Variants in ERC1 observed in about 807,000 individuals in gnomAD.
ERC1 encodes RAB6 interacting protein 2.
In ERC1, 56 loss-of-function variants were observed where a neutral mutation model predicts 132.0. That is an observed-to-expected ratio of 0.42 (90% confidence interval 0.34 to 0.53). The LOEUF (loss-of-function observed/expected upper bound fraction) is 0.53, where lower values mean the gene tolerates loss of function less well. Among genes scored for constraint, ERC1 ranks in the 20% least tolerant of loss-of-function variants. The probability of loss-of-function intolerance (pLI) is 0.03; values close to 1 mark genes in which losing one functional copy is unlikely to be tolerated. For synonymous variants in ERC1, 478 were observed against 476.1 expected, an observed-to-expected ratio of 1.00 and a Z score of -0.05; for missense variants, 1,202 against 1,349.9, an observed-to-expected ratio of 0.89 and a Z score of 1.72.
At position 1,110,296 on chromosome 12, in the gene ERC1, A is replaced by T. The variant is rs1416073205; in HGVS notation, c.1266A>T (p.Glu422Asp). The change falls in exon 5 of 19, where the codon GAA becomes GAT. Residue 422 changes from glutamate to aspartate, a missense_variant. By Grantham distance (45) the Glu-to-Asp change is conservative. Coordinates refer to ENST00000360905, the MANE Select transcript of ERC1 (RefSeq NM_178040.4). ...GALSTEEREE[E>D]MKQMEVYRSH... Reference sequence around the variant, plus strand: ...TGAGTACTGAGGAAAGGGAAGAAGAAATGAAGCAAATGGAAGTGTATCGGA... The same window carrying T: ...TGAGTACTGAGGAAAGGGAAGAAGATATGAAGCAAATGGAAGTGTATCGGA... 8 of 1,613,492 alleles carry T rather than the reference A, an allele frequency of 5.0e-6. No individual in the cohort carries two copies. In the African/African-American group the frequency reaches 9.3e-5, roughly 19 times the overall value.
At chr12:1,235,472 A>C (rs1290712690) in intron 12 of ERC1, among the ~76,000 whole-genome samples, 1 of 152,256 alleles carries the variant, frequency 6.6e-6, no homozygotes, top group East Asian at 1.9e-4. Flanking sequence ...ATAATGTATA[A>C]AGAATACCTA....
chr12:1,243,843 A>C (rs935440059), intron 13 of ERC1, among the ~76,000 whole-genome samples: 2 of 152,204 alleles, frequency 1.3e-5, no homozygotes, highest in Admixed American at 6.5e-5. Context: ...AACACTTTGA[A>C]TGCCAGTTCT....
At chr12:1,116,568 A>ATT (rs201063580) in intron 7 of ERC1, among the ~76,000 whole-genome samples, 220 of 143,874 alleles carry the variant, frequency 1.5e-3, no homozygotes, top group African/African-American at 4.2e-3. Context: ...TGTTTTTAGA[A>ATT]TTTTTTTTTT....
At chr12:1,207,126 A>G (rs1403413290) in intron 12 of ERC1, among the ~76,000 whole-genome samples, 1 of 152,140 alleles carries the variant, frequency 6.6e-6, no homozygotes, top group African/African-American at 2.4e-5. Context: ...TTTCACATTA[A>G]TTTCTAAAAT....
intron 15 of ERC1, among the ~76,000 whole-genome samples, chr12:1,370,872 C>T (rs1023977390): frequency 1.3e-5 from 2 of 152,140 alleles, no homozygotes; most frequent in Non-Finnish European, 2.9e-5. Context: ...GGACCAGAAG[C>T]GTGTGCCACC....
At chr12:1,215,771 C>G (rs897188126) in intron 12 of ERC1, among the ~76,000 whole-genome samples, 23 of 151,200 alleles carry the variant, frequency 1.5e-4, no homozygotes, top group Admixed American at 1.5e-3. Flanking sequence ...TCTGAAAAGG[C>G]AAAAAAACAA....
rs111700867 is a variant in ERC1, at chr12:1,029,165, G to T, written c.669+593G>T. ...GTCAGGAGTTCGAGACCAGCCTGGC[G>T]ACGTGGTGAAACCCTGACTCTACTA... On this transcript the variant is annotated intron_variant, in intron 2 of 18. Transcript: ENST00000360905. Among the ~76,000 whole-genome samples, 52 of 152,064 alleles carry T rather than the reference G, an allele frequency of 3.4e-4. 1 individual carries two copies. The highest frequency in any genetic ancestry group is 2.5e-3 in the South Asian group (12 of 4,810).
In ERC1 at chr12:1,092,001, C is replaced by CTTTTTTT. The variant is rs34377863; in HGVS notation, c.1086+8430_1086+8436dup. 1.7e-4 allele frequency among the ~76,000 whole-genome samples: 24 copies of CTTTTTTT among 138,056 alleles called. 1 individual carries two copies. The highest frequency in any genetic ancestry group is 3.0e-4 in the Non-Finnish European group (19 of 63,408). The allele number at this position is 138,056 out of a possible 152,430, so 90.6% of individuals were successfully genotyped here. On this transcript the variant is annotated intron_variant, in intron 3 of 18. Coordinates refer to ENST00000360905, the MANE Select transcript of ERC1 (RefSeq NM_178040.4). Reference sequence around the variant, plus strand: ...AAAAAAAAGTGGCATTTAATCAATTCTTTTTTTTTTTTTTTGAGACGGAGT... The same window carrying CTTTTTTT: ...AAAAAAAAGTGGCATTTAATCAATTCTTTTTTTTTTTTTTTTTTTTTTGAGACGGAGT...
At chr12:1,138,282 T>C (rs1308244824) in intron 7 of ERC1, among the ~76,000 whole-genome samples, 1 of 136,848 alleles carries the variant, frequency 7.3e-6, no homozygotes, top group Non-Finnish European at 1.5e-5. Flanking sequence ...TTACAATATA[T>C]GATATATATT....
At chr12:1,261,499 T>C (rs1003025730) in intron 13 of ERC1, among the ~76,000 whole-genome samples, 2 of 152,280 alleles carry the variant, frequency 1.3e-5, no homozygotes, top group East Asian at 3.9e-4. Flanking sequence ...AATCCTTCTT[T>C]TATGTTTAGT....
intron 13 of ERC1, among the ~76,000 whole-genome samples, chr12:1,245,415 T>G (rs1015194672): frequency 6.6e-6 from 1 of 152,236 alleles, no homozygotes; most frequent in African/African-American, 2.4e-5. Flanking sequence ...TTTGTGAGAT[T>G]CATTTGTATT....
At chr12:1,322,003 G>A (rs957349953) in intron 15 of ERC1, among the ~76,000 whole-genome samples, 14 of 150,890 alleles carry the variant, frequency 9.3e-5, no homozygotes, top group Admixed American at 1.3e-4. Context: ...TACCACGTTC[G>A]GCAGTGGTAA....
At chr12:1,381,470 A>G (rs981160007) in intron 16 of ERC1, among the ~76,000 whole-genome samples, 1 of 152,170 alleles carries the variant, frequency 6.6e-6, no homozygotes, top group African/African-American at 2.4e-5. Context: ...AAGTGCTGAG[A>G]TTACACACGT....
In ERC1 at chr12:1,135,530, C is replaced by A. The variant is rs552032425; in HGVS notation, c.1570-6090C>A. Among the ~76,000 whole-genome samples the A allele has an allele frequency of 2.6e-5, 4 of 152,210 alleles. No homozygotes were observed. In the East Asian group the frequency reaches 7.7e-4, roughly 29 times the overall value. ...TGTCTACCTGGTACTCAGAATGTGA[C>A]CATATTTGGAAATAGGGTCTTTGAA... On this transcript the variant is annotated intron_variant, in intron 7 of 18. Transcript: ENST00000360905.
chr12:1,439,552 G>A (rs2093044067), intron 17 of ERC1, among the ~76,000 whole-genome samples: 1 of 152,132 alleles, frequency 6.6e-6, no homozygotes, highest in Non-Finnish European at 1.5e-5. Flanking sequence ...TGTAAATGTA[G>A]CATTGGGGCC....
At chr12:1,093,862 AACAT>A (rs1398953030) in intron 3 of ERC1, among the ~76,000 whole-genome samples, 3 of 145,602 alleles carry the variant, frequency 2.1e-5, no homozygotes, top group African/African-American at 7.5e-5. Context: ...GAAAAAAAGA[AACAT>A]ATATATATGT....
In ERC1 at chr12:1,028,459, A is replaced by G; in HGVS notation, c.556A>G (p.Ile186Val). Residue 186 changes from isoleucine (I) to valine (V), a missense_variant, in exon 2 of 19, where the codon ATC becomes GTC. Coordinates refer to ENST00000360905, the MANE Select transcript of ERC1 (RefSeq NM_178040.4). ...CAAATTGAGTTCTTCAATGAATAGCATCAAGACCTTCTGGAGCCCAGAGCT... is the reference window on the plus strand; with the variant it reads ...CAAATTGAGTTCTTCAATGAATAGCGTCAAGACCTTCTGGAGCCCAGAGCT... ...ESKLSSSMNS[I>V]KTFWSPELKK... 6.2e-7 allele frequency: 1 copy of G among 1,614,180 alleles called. No homozygotes were observed. The highest frequency in any genetic ancestry group is 1.7e-5 in the Admixed American group (1 of 60,026).
rs11833070 is a variant in ERC1 at position 1,056,560 on chromosome 12, T to A, written c.670-26604T>A. Among the ~76,000 whole-genome samples, 122 of 152,142 alleles carry A rather than the reference T, an allele frequency of 8.0e-4. 1 individual carries two copies. Among genetic ancestry groups the A allele is most frequent in the South Asian group, 6.4e-3 (31 of 4,820 alleles). ...ATTGGTTGGACCAGGTGTGCCATTC[T>A]GGAAAACTGGTTAGGGCTAGGTGTT... On this transcript the variant is annotated intron_variant, in intron 2 of 18. Transcript: ENST00000360905.
intron 17 of ERC1, chr12:1,410,412 A>G: frequency 7.5e-7 from 1 of 1,325,144 alleles, no homozygotes; most frequent in Non-Finnish European, 9.9e-7. Flanking sequence ...GTATATGGGC[A>G]TAGCCAATCA....
Sources: allele counts gnomAD v4.1 joint callset (sites outside exome capture counted in the v4.1 genomes callset), GRCh38; gene constraint gnomAD v4.1.1; transcripts MANE v1.5; gene names NCBI Gene and HGNC (gene_info 2026-07-23, HGNC 2026-07-21).